The following ENOX1 variants were observed in gnomAD, a reference collection of about 807,000 sequenced individuals.
The protein encoded by ENOX1 is ecto-NOX disulfide-thiol exchanger 1, also known as candidate growth-related and time keeping constitutive hydroquinone (NADH) oxidase.
A neutral mutation model predicts 82.5 loss-of-function variants in ENOX1; 42 were observed. The observed-to-expected ratio is 0.51, with a 90% CI of 0.40 to 0.66. ENOX1 has a LOEUF of 0.66. Ranked by LOEUF, ENOX1 falls within the 30% of genes least tolerant of loss-of-function variation. The pLI, the probability that ENOX1 is intolerant of heterozygous loss-of-function variation, is 0.00. For missense variants in ENOX1, 608 were observed against 811.6 expected (o/e 0.75, Z 3.05); for synonymous variants, 271 against 282.2 (o/e 0.96, Z 0.40).
intron 2 of ENOX1, among the ~76,000 whole-genome samples, chr13:43,485,092 C>A (rs1253130945): frequency 6.6e-6 from 1 of 152,208 alleles, no homozygotes. Flanking sequence ...ATGGCTATTA[C>A]TGAGTGATAT....
At chr13:43,662,378 A>G (rs1285832968) in intron 2 of ENOX1, among the ~76,000 whole-genome samples, 6 of 152,204 alleles carry the variant, frequency 3.9e-5, no homozygotes, top group Non-Finnish European at 7.3e-5. Flanking sequence ...AATGCAGAGC[A>G]TCTCCATGCA....
intron 5 of ENOX1, among the ~76,000 whole-genome samples, chr13:43,371,522 T>G (rs1048335895): frequency 3.3e-5 from 5 of 152,194 alleles, no homozygotes; most frequent in Admixed American, 6.5e-5. Context: ...TGTAAATGTC[T>G]TTATAGGAAA....
intron 1 of ENOX1, among the ~76,000 whole-genome samples, chr13:43,726,764 C>G (rs948349169): frequency 1.1e-4 from 14 of 132,168 alleles, no homozygotes; most frequent in Admixed American, 6.1e-4. Context: ...GAGAGAGAGA[C>G]AGGGTCTCAC....
intron 2 of ENOX1, among the ~76,000 whole-genome samples, chr13:43,637,716 T>C (rs1273570925): frequency 6.6e-6 from 1 of 152,118 alleles, no homozygotes; most frequent in Non-Finnish European, 1.5e-5. Context: ...ATTTTCAAAC[T>C]ACCTTTTCAT....
In ENOX1 at chr13:43,247,315, A is replaced by T. The variant is rs147199376; in HGVS notation, c.1612-10577T>A. ...GCAACAGAGTGAGACTCCATCTCAA[A>T]AAATAAATAAATACATAAATAAAAA... On this transcript the variant is annotated intron_variant, in intron 14 of 16. Coordinates refer to ENST00000690772, the MANE Select transcript of ENOX1 (RefSeq NM_001347969.2). Among the ~76,000 whole-genome samples the T allele has an allele frequency of 3.9e-4, 60 of 152,292 alleles. 2 individuals carry two copies. In the East Asian group the frequency reaches 0.01, roughly 26 times the overall value.
chr13:43,567,889 C>A (rs560644762), intron 2 of ENOX1, among the ~76,000 whole-genome samples: 1 of 152,162 alleles, frequency 6.6e-6, no homozygotes, highest in Non-Finnish European at 1.5e-5. Context: ...TTCTTGTTTA[C>A]AATAAATTTT....
intron 2 of ENOX1, among the ~76,000 whole-genome samples, chr13:43,629,586 G>A (rs887565924): frequency 1.3e-5 from 2 of 152,150 alleles, no homozygotes; most frequent in Admixed American, 6.6e-5. Context: ...CCAATTACTC[G>A]AAAGTGGAAT....
intron 2 of ENOX1, among the ~76,000 whole-genome samples, chr13:43,487,209 T>C (rs562760156): frequency 6.6e-6 from 1 of 152,114 alleles, no homozygotes; most frequent in African/African-American, 2.4e-5. Context: ...TTAGTAGTAT[T>C]GTTGTATAAC....
intron 1 of ENOX1, among the ~76,000 whole-genome samples, chr13:43,718,644 T>A (rs1453017532): frequency 8.8e-6 from 1 of 114,036 alleles, no homozygotes; most frequent in Non-Finnish European, 1.6e-5. Context: ...GCCACTGCAC[T>A]CCAGCCTGGG....
At chr13:43,297,991 G>C (rs1378583394) in intron 12 of ENOX1, among the ~76,000 whole-genome samples, 1 of 152,204 alleles carries the variant, frequency 6.6e-6, no homozygotes, top group African/African-American at 2.4e-5. Context: ...ATCAGTTGTC[G>C]TGCTTTGAAG....
chr13:43,344,631 G>A lies in ENOX1; in HGVS notation c.943C>T (p.Arg315Cys), dbSNP rs1241501313. The change falls in exon 9 of 17, where the codon CGC becomes TGC. Residue 315 changes from arginine (R) to cysteine (C), a missense_variant. By Grantham distance (180) the Arg-to-Cys change is radical. Coordinates refer to ENST00000690772, the MANE Select transcript of ENOX1 (RefSeq NM_001347969.2). ...SMVQSANSHVRRLMNEKATHE... is the reference protein window; with the variant it reads ...SMVQSANSHVCRLMNEKATHE... ...GTGGCTTTTTCATTCATTAGCCGGC[G>A]GACGTGGCTGTTGGCCGACTGCACC... is the stretch of plus-strand genomic sequence containing the variant. 6 of 1,613,882 alleles carry A rather than the reference G, an allele frequency of 3.7e-6. No individual in the cohort carries two copies. Among genetic ancestry groups the A allele is most frequent in the East Asian group, 2.2e-5 (1 of 44,878 alleles).
At chr13:43,571,645 G>A (rs555464312) in intron 2 of ENOX1, among the ~76,000 whole-genome samples, 4 of 152,274 alleles carry the variant, frequency 2.6e-5, no homozygotes, top group Non-Finnish European at 5.9e-5. Flanking sequence ...AGCTGAGATT[G>A]TGCCAGTGCA....
At chr13:43,284,931 T>C (rs1469268455) in intron 12 of ENOX1, among the ~76,000 whole-genome samples, 1 of 151,564 alleles carries the variant, frequency 6.6e-6, no homozygotes, top group Non-Finnish European at 1.5e-5. Context: ...TAGAAATATG[T>C]AGAGAAGGAG....
intron 16 of ENOX1, among the ~76,000 whole-genome samples, chr13:43,222,380 TACACACAC>T (rs35476412): frequency 2.1e-4 from 32 of 149,194 alleles, no homozygotes; most frequent in African/African-American, 7.1e-4. Flanking sequence ...GAGATGATTT[TACACACAC>T]ACACACACAC....
At chr13:43,751,223 G>A (rs1259023039) in intron 1 of ENOX1, among the ~76,000 whole-genome samples, 1 of 152,136 alleles carries the variant, frequency 6.6e-6, no homozygotes, top group African/African-American at 2.4e-5. Context: ...TCCCAGCTCA[G>A]CTAAGGTCAG....
At chr13:43,414,777 C>T (rs919568124) in intron 3 of ENOX1, among the ~76,000 whole-genome samples, 5 of 152,208 alleles carry the variant, frequency 3.3e-5, no homozygotes, top group Non-Finnish European at 7.3e-5. Flanking sequence ...CCTTCTACCT[C>T]AGATTCTTCC....
intron 2 of ENOX1, among the ~76,000 whole-genome samples, chr13:43,589,399 TA>T (rs1338566990): frequency 6.6e-6 from 1 of 152,008 alleles, no homozygotes; most frequent in Non-Finnish European, 1.5e-5. Context: ...ACTCTCAGGA[TA>T]AATATAGCAA....
intron 2 of ENOX1, among the ~76,000 whole-genome samples, chr13:43,621,438 G>A (rs1009767563): frequency 6.6e-6 from 1 of 152,142 alleles, no homozygotes; most frequent in Non-Finnish European, 1.5e-5. Flanking sequence ...TTCCTGTAGT[G>A]GTGGTTTGGT....
At chr13:43,254,300 C>T (rs1410729709) in intron 14 of ENOX1, among the ~76,000 whole-genome samples, 5 of 152,084 alleles carry the variant, frequency 3.3e-5, no homozygotes, top group Non-Finnish European at 7.4e-5. Context: ...GTATTGTTCT[C>T]CTAAATTATT....
Sources: allele counts gnomAD v4.1 joint callset (sites outside exome capture counted in the v4.1 genomes callset), GRCh38; gene constraint gnomAD v4.1.1; transcripts MANE v1.5; gene names NCBI Gene and HGNC (gene_info 2026-07-23, HGNC 2026-07-21).